USP16: variants seen among roughly 807,000 people sequenced by gnomAD.
USP16 encodes ubiquitin carboxyl-terminal hydrolase 16.
In USP16, 77 loss-of-function variants were observed where a neutral mutation model predicts 95.9. The ratio of observed to expected loss-of-function variants is 0.80; its 90% CI spans 0.67 to 0.97. The LOEUF is 0.97. Among genes scored for constraint, USP16 ranks in the 50% least tolerant of loss-of-function variants. The pLI is 0.00. For missense variants in USP16, 943 were observed against 959.9 expected, an observed-to-expected ratio of 0.98 and a Z score of 0.23; for synonymous variants, 303 against 318.2, an observed-to-expected ratio of 0.95 and a Z score of 0.51.
chr21:29,050,027 T>A, intron 15 of USP16, 65 bp from the exon 16 acceptor site: 1 of 1,450,374 alleles, frequency 6.9e-7, no homozygotes, highest in East Asian at 2.3e-5. Context: ...GGAGGGGACT[T>A]CGGTTTACTT....
chr21:29,046,599 C>G, intron 13 of USP16, 68 bp from the exon 14 acceptor site: 1 of 1,470,350 alleles, frequency 6.8e-7, no homozygotes, highest in Non-Finnish European at 9.1e-7. Flanking sequence ...CTTCCTCTAT[C>G]TCTCTTCCTC....
At chr21:29,048,926 G>A in intron 15 of USP16, 71 bp downstream of exon 15, 2 of 1,129,522 alleles carry the variant, frequency 1.8e-6, no homozygotes, top group South Asian at 2.6e-5. Context: ...TTTCATTACT[G>A]TCTCAACATA....
chr21:29,043,593 A>G lies in USP16; in HGVS notation c.1350A>G (p.Gln450=). The G allele has an allele frequency of 6.5e-7, 1 of 1,541,298 alleles. No homozygotes were observed. The highest frequency in any genetic ancestry group is 8.7e-7 in the Non-Finnish European group (1 of 1,151,612). ...AAGCAAAGAAACAAGCCAAAAAGCA[A>G]GCCAAGGTGGGTAATTAGGAGGAAA... ...QKKAKKQAKK[Q]AKNQRRQQKI... is the part of the protein sequence containing the mutation. Residue 450 remains glutamine (Q), a synonymous_variant, in exon 13 of 18, where the codon CAA becomes CAG. Coordinates refer to ENST00000399976, the MANE Select transcript of USP16 (RefSeq NM_006447.3).
At chr21:29,036,626 C>T (rs2085161026) in intron 5 of USP16, among the ~76,000 whole-genome samples, 1 of 152,186 alleles carries the variant, frequency 6.6e-6, no homozygotes, top group Non-Finnish European at 1.5e-5. Flanking sequence ...ATTCCCATAA[C>T]CCTAGCCAGG....
chr21:29,038,907 C>T (rs1232266846), intron 7 of USP16, 119 bp from the exon 8 acceptor site: 4 of 1,054,060 alleles, frequency 3.8e-6, no homozygotes, highest in Non-Finnish European at 5.1e-6. Flanking sequence ...ACATTTTAAA[C>T]TTTTAAATGG....
intron 8 of USP16, 63 bp from the exon 9 acceptor site, chr21:29,039,418 T>C: frequency 6.5e-7 from 1 of 1,541,044 alleles, no homozygotes; most frequent in Non-Finnish European, 8.8e-7. Context: ...TAAGATTTTC[T>C]AAAAATAGCT....
At position 29,046,876 on chromosome 21, in the gene USP16, C is replaced by T. The variant is rs144253686; in HGVS notation, c.1566C>T (p.Ile522=). 1.4e-5 allele frequency: 23 copies of T among 1,613,780 alleles called. No individual in the cohort carries two copies. The highest frequency in any genetic ancestry group is 2.2e-5 in the East Asian group (1 of 44,872). The part of the protein sequence containing the change: ...QKDLNGQAKM[I]ESVTDNQKST... ...ATTTGAATGGCCAAGCAAAAATGAT[C>T]GAAAGTGTAACTGACAATCAAAAAT... The change falls in exon 14 of 18, where the codon ATC becomes ATT. Residue 522 remains isoleucine (I), a synonymous_variant. Transcript: ENST00000399976.
Position 29,050,126 on chromosome 21 carries a change from T to C in USP16, c.2141T>C (p.Ile714Thr). 6.2e-7 allele frequency: 1 copy of C among 1,613,748 alleles called. No homozygotes were observed. Among genetic ancestry groups the C allele is most frequent in the Non-Finnish European group, 8.5e-7 (1 of 1,179,904 alleles). ...AACCTACGCAAAGTTAACAAACACA[T>C]AAAGTTTCCGGAAATCTTAGATTTG... ...GFNLRKVNKHIKFPEILDLAP... is the reference protein window; with the variant it reads ...GFNLRKVNKHTKFPEILDLAP... The change falls in exon 16 of 18, where the codon ATA (isoleucine) becomes ACA (threonine). Residue 714 changes from isoleucine to threonine, a missense_variant. By Grantham distance (89) the Ile-to-Thr change is moderately conservative (BLOSUM62 -1). Transcript: ENST00000399976.
At chr21:29,042,806 A>G (rs936253616) in intron 12 of USP16, 1 of 277,226 alleles carries the variant, frequency 3.6e-6, no homozygotes, top group Non-Finnish European at 6.6e-6. Context: ...TAAAATTAAT[A>G]CTTATTTTTG....
intron 5 of USP16, 149 bp from the exon 6 acceptor site, chr21:29,037,127 A>G: frequency 2.3e-6 from 1 of 430,902 alleles, no homozygotes; most frequent in Non-Finnish European, 3.9e-6. Context: ...ATGGCAATTT[A>G]CCTGTATCTA....
chr21:29,053,752 C>A, intron 16 of USP16, 50 bp from the exon 17 acceptor site: 2 of 1,577,232 alleles, frequency 1.3e-6, no homozygotes, highest in Non-Finnish European at 8.6e-7. Context: ...CCCATGACAT[C>A]TGTGTAAATG....
chr21:29,038,992 G>T, intron 7 of USP16, 34 bp from the exon 8 acceptor site: 2 of 1,460,252 alleles, frequency 1.4e-6, no homozygotes, highest in South Asian at 3.1e-5. Flanking sequence ...TCCAGAATTT[G>T]ACTGAAGAAA....
rs1445578213 is a variant in USP16, at chr21:29,030,612, A to T, written c.79A>T (p.Ile27Phe). ...TTTAATAGAACCTGTGTGCAGACAC[A>T]TTAGAAAAGGATTGGAACAAGGTAA... ...SETLEPVCRH[I>F]RKGLEQGNLK... The change falls in exon 3 of 18, where the codon ATT (isoleucine) becomes TTT (phenylalanine). Residue 27 changes from isoleucine to phenylalanine, a missense_variant. Coordinates refer to ENST00000399976, the MANE Select transcript of USP16 (RefSeq NM_006447.3). 1 of 1,607,710 alleles carries T rather than the reference A, an allele frequency of 6.2e-7. No homozygotes were observed. The highest frequency in any genetic ancestry group is 8.5e-7 in the Non-Finnish European group (1 of 1,178,070).
chr21:29,035,084 T>A, intron 4 of USP16, 144 bp downstream of exon 4: 1 of 713,270 alleles, frequency 1.4e-6, no homozygotes, highest in Non-Finnish European at 2.3e-6. Flanking sequence ...AGCTAAAGAA[T>A]GCAGTATTAT....
intron 2 of USP16, among the ~76,000 whole-genome samples, chr21:29,029,363 A>T (rs1366594588): frequency 1.3e-5 from 2 of 152,182 alleles, no homozygotes; most frequent in Non-Finnish European, 2.9e-5. Context: ...CAGTGAGCCG[A>T]GATTGTGCCA....
chr21:29,034,731 G>A, intron 3 of USP16, 106 bp from the exon 4 acceptor site: 2 of 1,025,778 alleles, frequency 1.9e-6, no homozygotes, highest in South Asian at 3.0e-5. Context: ...AAGATTGTAA[G>A]AATGGCAGAA....
At chr21:29,038,599 A>G (rs1388657315) in intron 7 of USP16, among the ~76,000 whole-genome samples, 169 bp downstream of exon 7, 1 of 152,192 alleles carries the variant, frequency 6.6e-6, no homozygotes, top group Non-Finnish European at 1.5e-5. Context: ...GAGGCATTAC[A>G]TCTGTTTGCT....
At chr21:29,033,081 C>T (rs773160906) in intron 3 of USP16, among the ~76,000 whole-genome samples, 2 of 152,164 alleles carry the variant, frequency 1.3e-5, no homozygotes, top group Non-Finnish European at 2.9e-5. Flanking sequence ...CTTTTAAATA[C>T]ATATGGTGAG....
intron 1 of USP16, 29 bp downstream of exon 1, chr21:29,024,806 C>A (rs1395748158): frequency 4.0e-6 from 5 of 1,256,876 alleles, no homozygotes; most frequent in Non-Finnish European, 5.1e-6. Context: ...GCCTGGCAGT[C>A]GTCGCTCGCC....
Sources: gnomAD v4.1 joint callset for allele counts (sites outside exome capture counted in the v4.1 genomes callset) on GRCh38, gnomAD v4.1.1 for gene constraint, MANE v1.5 for transcripts, NCBI Gene and HGNC (gene_info 2026-07-23, HGNC 2026-07-21) for gene names.